RUSC2: variants seen among roughly 807,000 people sequenced by gnomAD.
RUSC2 encodes the protein AP-4 complex accessory subunit RUSC2.
RUSC2 carries 34 observed loss-of-function variants against 122.2 expected under a neutral mutation model. The ratio of observed to expected loss-of-function variants is 0.28; its 90% CI spans 0.21 to 0.37. The LOEUF (loss-of-function observed/expected upper bound fraction) is 0.37. RUSC2 is among the 10% of genes least tolerant of loss of function. RUSC2 has a pLI of 1.00. For missense variants in RUSC2, 1,747 were observed against 1,952.4 expected (o/e 0.89, Z 1.98); for synonymous variants, 784 against 790.0 (o/e 0.99, Z 0.13).
intron 1 of RUSC2, among the ~76,000 whole-genome samples, chr9:35,531,193 G>A (rs1019424285): frequency 1.3e-5 from 2 of 152,152 alleles, no homozygotes; most frequent in East Asian, 2.0e-4. Flanking sequence ...CCTGGGAAGC[G>A]GAGCTTGCAG....
intron 2 of RUSC2, among the ~76,000 whole-genome samples, chr9:35,550,373 C>T (rs1821864789): frequency 6.6e-6 from 1 of 151,914 alleles, no homozygotes; most frequent in African/African-American, 2.4e-5. Context: ...TACCTATAGT[C>T]CCAGCACTTT....
intron 1 of RUSC2, among the ~76,000 whole-genome samples, chr9:35,534,465 T>C (rs536261981): frequency 7.7e-5 from 11 of 142,288 alleles, no homozygotes; most frequent in African/African-American, 2.1e-4. Flanking sequence ...CACAATCCTT[T>C]GCTCGTTTTT....
chr9:35,505,611 G>T (rs1328827738), intron 1 of RUSC2, among the ~76,000 whole-genome samples: 1 of 152,036 alleles, frequency 6.6e-6, no homozygotes, highest in Non-Finnish European at 1.5e-5. Context: ...GAGAGAAATT[G>T]ACCTCTTTCA....
intron 1 of RUSC2, among the ~76,000 whole-genome samples, chr9:35,525,269 G>A (rs1366253300): frequency 6.6e-6 from 1 of 152,162 alleles, no homozygotes; most frequent in Non-Finnish European, 1.5e-5. Flanking sequence ...ATTCTTTGGA[G>A]ATTTTCACCT....
At position 35,547,835 on chromosome 9, in the gene RUSC2, C is replaced by T. The variant is rs779393113; in HGVS notation, c.1314C>T (p.Gly438=). 1 of 1,614,162 alleles carries T rather than the reference C, an allele frequency of 6.2e-7. No homozygotes were observed. The highest frequency in any genetic ancestry group is 1.1e-5 in the South Asian group (1 of 91,074). Residue 438 remains glycine, a synonymous_variant, in exon 2 of 12, where the codon GGC becomes GGT. Transcript: ENST00000361226. This position sits in a 1 kb window ranked among gnomAD's most constrained non-coding sequence, Gnocchi z 4.6. The part of the protein sequence containing the change: ...SPPPGPGPDP[G]PSQPSEYYLF... ...CACCAGGCCCTGGCCCAGACCCAGG[C>T]CCCAGCCAGCCCTCTGAGTATTACC...
rs974449822 is a variant in RUSC2 at position 35,558,619 on chromosome 9, C to T, written c.3341+52C>T. 1 of 1,444,090 alleles carries T rather than the reference C, an allele frequency of 6.9e-7. No homozygotes were observed. Among genetic ancestry groups the T allele is most frequent in the Non-Finnish European group, 9.7e-7 (1 of 1,026,172 alleles). 89.5% of individuals were successfully genotyped at this position (1,444,090 alleles called of 1,614,324 possible). On this transcript the variant is annotated intron_variant, in intron 8 of 11. Coordinates refer to ENST00000361226, the MANE Select transcript of RUSC2 (RefSeq NM_014806.5). This position sits in a 1 kb window ranked among gnomAD's most constrained non-coding sequence, Gnocchi z 4.3. ...CTAAACAACTTGCCCTGCCCCCCAC[C>T]CCCGGGCTCTGCCTGCACCAAGGAA... is the stretch of plus-strand genomic sequence containing the variant.
At position 35,560,144 on chromosome 9, in the gene RUSC2, C is replaced by T. The variant is rs1406592664; in HGVS notation, c.3504C>T (p.Phe1168=). 5 of 1,610,128 alleles carry T rather than the reference C, an allele frequency of 3.1e-6. No homozygotes were observed. Among genetic ancestry groups the T allele is most frequent in the Non-Finnish European group, 4.2e-6 (5 of 1,179,978 alleles). Residue 1168 remains phenylalanine, a synonymous_variant, in exon 10 of 12, where the codon TTC becomes TTT. Transcript: ENST00000361226. ...TACAGCCCCTGGCCCTGCTGCCCTT[C>T]AGCCTCGACTTGCTGTTCCAGCACC... is the stretch of plus-strand genomic sequence containing the variant. The part of the protein sequence containing the change: ...LLLQPLALLP[F]SLDLLFQHRL...
At chr9:35,529,001 C>T (rs558904324) in intron 1 of RUSC2, among the ~76,000 whole-genome samples, 22 of 152,022 alleles carry the variant, frequency 1.4e-4, no homozygotes, top group Non-Finnish European at 2.2e-4. Flanking sequence ...AAGCCTTTTT[C>T]GATACCATTG....
At chr9:35,554,038 TATGTC>T (rs1320372171) in intron 2 of RUSC2, among the ~76,000 whole-genome samples, 1 of 152,218 alleles carries the variant, frequency 6.6e-6, no homozygotes, top group African/African-American at 2.4e-5. Context: ...CATTTCCTAA[TATGTC>T]AAGTAAGAGA....
chr9:35,510,293 C>T (rs1014774636), intron 1 of RUSC2, among the ~76,000 whole-genome samples: 9 of 152,148 alleles, frequency 5.9e-5, no homozygotes, highest in African/African-American at 2.2e-4. Flanking sequence ...GGGAGGATTG[C>T]TTGAGCCCGG....
At chr9:35,502,647 C>T (rs771858029) in intron 1 of RUSC2, among the ~76,000 whole-genome samples, 1 of 151,950 alleles carries the variant, frequency 6.6e-6, no homozygotes, top group Non-Finnish European at 1.5e-5. Context: ...AGAGAATCTA[C>T]AAAAGACAAG....
chr9:35,558,147 C>T lies in RUSC2; in HGVS notation c.3061-50C>T, dbSNP rs752368506. On this transcript the variant is annotated intron_variant, in intron 6 of 11. Transcript: ENST00000361226. The surrounding 1 kb of genome is among the most constrained non-coding windows in gnomAD (Gnocchi z 4.3). Reference sequence around the variant, plus strand: ...ACCATGAGGGCCTGCTACGAGAGGACCACAGTCAGGCCTGAGGGGGTTTCC... The same window carrying T: ...ACCATGAGGGCCTGCTACGAGAGGATCACAGTCAGGCCTGAGGGGGTTTCC... 6.3e-7 allele frequency: 1 copy of T among 1,599,958 alleles called. No homozygotes were observed. The highest frequency in any genetic ancestry group is 8.5e-7 in the Non-Finnish European group (1 of 1,172,764).
chr9:35,561,294 G>A lies in RUSC2; in HGVS notation c.4463G>A (p.Ser1488Asn), dbSNP rs1044823577. ...GRAGGDWLRC[S>N]RGPDSGLVPL... is the part of the protein sequence containing the mutation. The stretch of plus-strand genomic sequence containing the variant: ...GCTGGAGGAGACTGGCTGCGCTGCA[G>A]CCGTGGCCCCGACTCTGGCCTGGTG... The change falls in exon 12 of 12, where the codon AGC (serine) becomes AAC (asparagine). Residue 1488 changes from serine to asparagine, a missense_variant. Transcript: ENST00000361226. 1 of 1,614,140 alleles carries A rather than the reference G, an allele frequency of 6.2e-7. No individual in the cohort carries two copies. Among genetic ancestry groups the A allele is most frequent in the Admixed American group, 1.7e-5 (1 of 60,026 alleles).
rs148661507 is a variant in RUSC2 at position 35,553,974 on chromosome 9, G to T, written c.2015-1086G>T. ...CTGGGTTAGGCAGAATTCTAGCTCT[G>T]CCACTTCCTAGTTGTTTGACCTTGA... On this transcript the variant is annotated intron_variant, in intron 2 of 11. Coordinates refer to ENST00000361226, the MANE Select transcript of RUSC2 (RefSeq NM_014806.5). 3.5e-3 allele frequency among the ~76,000 whole-genome samples: 530 copies of T among 152,296 alleles called. 1 individual carries two copies. Among genetic ancestry groups the T allele is most frequent in the African/African-American group, 0.012 (513 of 41,566 alleles).
At chr9:35,530,540 T>C (rs1822203137) in intron 1 of RUSC2, among the ~76,000 whole-genome samples, 1 of 152,178 alleles carries the variant, frequency 6.6e-6, no homozygotes, top group African/African-American at 2.4e-5. Flanking sequence ...AATCCAGATA[T>C]CTTCCCAGTG....
chr9:35,553,526 A>T (rs1371629124), intron 2 of RUSC2, among the ~76,000 whole-genome samples: 1 of 152,242 alleles, frequency 6.6e-6, no homozygotes, highest in African/African-American at 2.4e-5. Flanking sequence ...AAAATGAAAC[A>T]GGGTAATGGG....
chr9:35,545,920 G>A (rs115637482), intron 1 of RUSC2, among the ~76,000 whole-genome samples: 253 of 152,296 alleles, frequency 1.7e-3, no homozygotes, highest in African/African-American at 5.4e-3. Context: ...AGATGATACC[G>A]TATATTTTAA....
chr9:35,498,288 C>G (rs1306112178), intron 1 of RUSC2, among the ~76,000 whole-genome samples: 1 of 152,050 alleles, frequency 6.6e-6, no homozygotes, highest in East Asian at 1.9e-4. Flanking sequence ...CCTGTAATCT[C>G]AGCACTTTGG....
chr9:35,548,101 G>T lies in RUSC2; in HGVS notation c.1580G>T (p.Gly527Val). The T allele has an allele frequency of 6.2e-7, 1 of 1,613,152 alleles. No homozygotes were observed. The highest frequency in any genetic ancestry group is 2.2e-5 in the East Asian group (1 of 44,886). The change falls in exon 2 of 12, where the codon GGC becomes GTC. Residue 527 changes from glycine to valine, a missense_variant. Gly to Val is a moderately radical substitution (Grantham distance 109, BLOSUM62 -3). Coordinates refer to ENST00000361226, the MANE Select transcript of RUSC2 (RefSeq NM_014806.5). The surrounding 1 kb of genome is among the most constrained non-coding windows in gnomAD (Gnocchi z 4.5). ...AGTTGCCCAGTGCGCTTGAGTGAGG[G>T]CCCTGCAGCCATGGCCGGGCCTGGC... ...MLSCPVRLSE[G>V]PAAMAGPGSP...
Sources: allele counts gnomAD v4.1 joint callset (sites outside exome capture counted in the v4.1 genomes callset), GRCh38; gene constraint gnomAD v4.1.1; non-coding constraint Gnocchi (gnomAD v3.1); transcripts MANE v1.5; gene names NCBI Gene and HGNC (gene_info 2026-07-23, HGNC 2026-07-21).